ADAM12: variants seen among roughly 807,000 people sequenced by gnomAD.
ADAM12 encodes the protein disintegrin and metalloproteinase domain-containing protein 12.
Under a neutral mutation model 106.4 loss-of-function variants are expected in ADAM12, and 70 were observed. The ratio of observed to expected loss-of-function variants is 0.66; its 90% CI spans 0.54 to 0.80. ADAM12 has a LOEUF of 0.80. ADAM12 is among the 30% of genes least tolerant of loss of function. The pLI is 0.00. For missense variants in ADAM12, 1,010 were observed against 1,171.9 expected (o/e 0.86, Z 2.02); for synonymous variants, 420 against 433.5 (o/e 0.97, Z 0.39).
At chr10:126,288,514 T>C (rs1329093652) in intron 2 of ADAM12, among the ~76,000 whole-genome samples, 1 of 152,130 alleles carries the variant, frequency 6.6e-6, no homozygotes, top group Non-Finnish European at 1.5e-5. Context: ...TCTGAATCAA[T>C]GCAAAATACA....
chr10:126,140,514 A>G (rs1293054070), intron 4 of ADAM12, among the ~76,000 whole-genome samples: 1 of 152,148 alleles, frequency 6.6e-6, no homozygotes, highest in Non-Finnish European at 1.5e-5. Flanking sequence ...AAAGTAAACA[A>G]TCTCACTTCT....
chr10:126,362,621 G>GA (rs550148519), intron 1 of ADAM12, among the ~76,000 whole-genome samples: 1 of 151,794 alleles, frequency 6.6e-6, no homozygotes, highest in Non-Finnish European at 1.5e-5. Flanking sequence ...TCTTTAAAAA[G>GA]AAAAAAATCT....
chr10:126,340,365 A>G (rs942693152), intron 1 of ADAM12, among the ~76,000 whole-genome samples: 2 of 152,226 alleles, frequency 1.3e-5, no homozygotes, highest in Admixed American at 1.3e-4. Context: ...CCCCATTCTA[A>G]TCTTTTATAA....
intron 6 of ADAM12, among the ~76,000 whole-genome samples, chr10:126,117,727 C>T (rs1956009632): frequency 8.2e-6 from 1 of 122,066 alleles, no homozygotes; most frequent in Non-Finnish European, 1.6e-5. Context: ...TTGGGAGATT[C>T]CATGAATCTT....
At chr10:126,050,956 G>A (rs1786726093) in intron 14 of ADAM12, among the ~76,000 whole-genome samples, 1 of 152,180 alleles carries the variant, frequency 6.6e-6, no homozygotes, top group Admixed American at 6.5e-5. Context: ...CTGTCATGGA[G>A]AAAGATGAGG....
At chr10:126,170,374 G>A (rs1957097556) in intron 3 of ADAM12, among the ~76,000 whole-genome samples, 1 of 151,508 alleles carries the variant, frequency 6.6e-6, no homozygotes, top group Non-Finnish European at 1.5e-5. Context: ...AATTCCTCTT[G>A]CTGAGGCTAC....
At chr10:126,108,363 C>T (rs983375826) in intron 8 of ADAM12, among the ~76,000 whole-genome samples, 1 of 152,100 alleles carries the variant, frequency 6.6e-6, no homozygotes, top group East Asian at 1.9e-4. Flanking sequence ...CGGAAGAGAG[C>T]CTGGAGGAAG....
chr10:126,291,879 G>C (rs1960166127), intron 2 of ADAM12, among the ~76,000 whole-genome samples: 1 of 152,142 alleles, frequency 6.6e-6, no homozygotes, highest in Non-Finnish European at 1.5e-5. Flanking sequence ...GCAGGGCTTT[G>C]CAACCTTTAT....
At chr10:126,328,816 C>G (rs568921986) in intron 2 of ADAM12, among the ~76,000 whole-genome samples, 3 of 152,182 alleles carry the variant, frequency 2.0e-5, no homozygotes, top group Non-Finnish European at 4.4e-5. Context: ...GGGACAGCTA[C>G]CTAATAATCA....
At chr10:126,107,501 G>C (rs75292272) in intron 8 of ADAM12, among the ~76,000 whole-genome samples, 9 of 152,166 alleles carry the variant, frequency 5.9e-5, no homozygotes, top group African/African-American at 2.2e-4. Flanking sequence ...AAAACTTAGA[G>C]AATGCAATTC....
chr10:126,306,088 A>G (rs948515872), intron 2 of ADAM12, among the ~76,000 whole-genome samples: 46 of 151,920 alleles, frequency 3.0e-4, no homozygotes, highest in African/African-American at 1.1e-3. Flanking sequence ...ATTTAATTTT[A>G]CTATAATTCC....
At chr10:126,214,586 A>G (rs1009821521) in intron 3 of ADAM12, among the ~76,000 whole-genome samples, 6 of 152,220 alleles carry the variant, frequency 3.9e-5, no homozygotes, top group African/African-American at 1.4e-4. Context: ...GTGTGGGAGT[A>G]GATGGTCAGA....
At chr10:126,162,273 G>A (rs937963317) in intron 3 of ADAM12, among the ~76,000 whole-genome samples, 1 of 152,172 alleles carries the variant, frequency 6.6e-6, no homozygotes, top group African/African-American at 2.4e-5. Context: ...AATGAGCTGC[G>A]CTGGTGGGGA....
At chr10:126,352,723 C>A (rs1855404763) in intron 1 of ADAM12, among the ~76,000 whole-genome samples, 1 of 152,200 alleles carries the variant, frequency 6.6e-6, no homozygotes, top group East Asian at 1.9e-4. Context: ...TTTTATTCAC[C>A]CCATTCTGCT....
intron 3 of ADAM12, among the ~76,000 whole-genome samples, chr10:126,238,496 AAATTT>A (rs1373751882): frequency 6.6e-6 from 1 of 152,182 alleles, no homozygotes; most frequent in Non-Finnish European, 1.5e-5. Flanking sequence ...CAAACAAACA[AAATTT>A]AATTAATTAA....
intron 3 of ADAM12, among the ~76,000 whole-genome samples, chr10:126,199,687 T>C (rs1450061814): frequency 2.0e-5 from 3 of 152,132 alleles, no homozygotes; most frequent in Non-Finnish European, 4.4e-5. Flanking sequence ...CAGAGAAAAA[T>C]AAACATTTAG....
At chr10:126,058,034 T>C (rs552158853) in intron 14 of ADAM12, among the ~76,000 whole-genome samples, 6 of 152,308 alleles carry the variant, frequency 3.9e-5, no homozygotes, top group East Asian at 3.9e-4. Flanking sequence ...GGGGAGTCAG[T>C]GTCTTCCTTG....
At chr10:126,323,548 G>A (rs759218178) in intron 2 of ADAM12, among the ~76,000 whole-genome samples, 4 of 152,260 alleles carry the variant, frequency 2.6e-5, no homozygotes, top group South Asian at 2.1e-4. Flanking sequence ...ATCCAGGCAC[G>A]GATAAAGTCT....
chr10:126,189,943 CTCAGT>C (rs1349311751), intron 3 of ADAM12, among the ~76,000 whole-genome samples: 1 of 152,174 alleles, frequency 6.6e-6, no homozygotes, highest in Non-Finnish European at 1.5e-5. Flanking sequence ...CACATCATCA[CTCAGT>C]TCTTAATCCT....
Sources: gnomAD v4.1 joint callset for allele counts (sites outside exome capture counted in the v4.1 genomes callset) on GRCh38, gnomAD v4.1.1 for gene constraint, MANE v1.5 for transcripts, NCBI Gene and HGNC (gene_info 2026-07-23, HGNC 2026-07-21) for gene names.